CREG2: variants seen among roughly 807,000 people sequenced by gnomAD.
CREG2 encodes the protein protein CREG2.
A neutral mutation model predicts 26.2 loss-of-function variants in CREG2; 24 were observed. The observed-to-expected ratio is 0.92, with a 90% CI of 0.66 to 1.29. CREG2 has a LOEUF of 1.29. CREG2 is among the 50% of genes most tolerant of loss of function. CREG2 has a pLI of 0.00. For synonymous variants in CREG2, 174 were observed against 169.2 expected (o/e 1.03, Z -0.22); for missense variants, 366 against 398.6 (o/e 0.92, Z 0.70).
intron 3 of CREG2, among the ~76,000 whole-genome samples, chr2:101,354,891 A>G (rs1327926359): frequency 2.0e-5 from 3 of 152,134 alleles, no homozygotes; most frequent in Non-Finnish European, 4.4e-5. Flanking sequence ...CACCACACTG[A>G]GAAACGCTGC....
Position 101,347,549 on chromosome 2 carries a change from T to C in CREG2, c.*3374A>G, listed in dbSNP as rs891852592. 2.6e-5 allele frequency: 4 copies of C among 152,184 alleles called. No homozygotes were observed. Among genetic ancestry groups the C allele is most frequent in the African/African-American group, 9.7e-5 (4 of 41,436 alleles). 9.4% of individuals were successfully genotyped at this position (152,184 alleles called of 1,614,324 possible). On this transcript the variant is annotated 3_prime_UTR_variant, in exon 4 of 4. Coordinates refer to ENST00000324768, the MANE Select transcript of CREG2 (RefSeq NM_153836.4). Reference sequence around the variant, plus strand: ...AGTGATATCTCATTGTAGTATTAGTTTGCAGTTCCCCTAGTGACTAGTGCT... The same window carrying C: ...AGTGATATCTCATTGTAGTATTAGTCTGCAGTTCCCCTAGTGACTAGTGCT...
chr2:101,383,265 T>C lies in CREG2; in HGVS notation c.611+268A>G, dbSNP rs1298543146. 2.0e-5 allele frequency among the ~76,000 whole-genome samples: 3 copies of C among 152,166 alleles called. No homozygotes were observed. In the East Asian group the frequency reaches 5.8e-4, roughly 29 times the overall value. On this transcript the variant is annotated intron_variant, in intron 2 of 3. Coordinates refer to ENST00000324768, the MANE Select transcript of CREG2 (RefSeq NM_153836.4). ...GTTGCACAAAGCATTTTACACCTAT[T>C]TCCAGCACTTGCAATAACCCTCGGA...
chr2:101,345,624 A>G lies in CREG2; in HGVS notation c.*5299T>C, dbSNP rs1457441136. On this transcript the variant is annotated 3_prime_UTR_variant, in exon 4 of 4. Coordinates refer to ENST00000324768, the MANE Select transcript of CREG2 (RefSeq NM_153836.4). Reference sequence around the variant, plus strand: ...AAATAGTCTTTGGTTAAATAGATCTAGTTTTGAAAACAGATTTTACATTTT... The same window carrying G: ...AAATAGTCTTTGGTTAAATAGATCTGGTTTTGAAAACAGATTTTACATTTT... The G allele has an allele frequency of 1.3e-5, 2 of 152,246 alleles. No individual in the cohort carries two copies. Among genetic ancestry groups the G allele is most frequent in the African/African-American group, 4.8e-5 (2 of 41,466 alleles). 9.4% of individuals were successfully genotyped at this position (152,246 alleles called of 1,614,324 possible).
rs567154155 is a variant in CREG2, at chr2:101,348,788, T to C, written c.*2135A>G. 6.6e-6 allele frequency: 1 copy of C among 152,336 alleles called. No individual in the cohort carries two copies. The highest frequency in any genetic ancestry group is 6.5e-5 in the Admixed American group (1 of 15,300). The allele number at this position is 152,336 out of a possible 1,614,324, so 9.4% of individuals were successfully genotyped here. On this transcript the variant is annotated 3_prime_UTR_variant, in exon 4 of 4. Coordinates refer to ENST00000324768, the MANE Select transcript of CREG2 (RefSeq NM_153836.4). ...TCTGTATGCATTTAATCTCTTTTTC[T>C]TGCCTTATTGCCATGTCTAGAACTT...
chr2:101,378,930 TG>T (rs1272234612), intron 2 of CREG2, among the ~76,000 whole-genome samples: 1 of 151,310 alleles, frequency 6.6e-6, no homozygotes, highest in Non-Finnish European at 1.5e-5. Context: ...CGCTTGAACC[TG>T]GGCAGCAGAG....
At chr2:101,386,018 A>G (rs1435718004) in intron 1 of CREG2, among the ~76,000 whole-genome samples, 1 of 152,244 alleles carries the variant, frequency 6.6e-6, no homozygotes, top group Non-Finnish European at 1.5e-5. Context: ...GCTGTGAAAA[A>G]TCATCTAGGT....
rs149067073 is a variant in CREG2, at chr2:101,355,332, C to A, written c.646G>T (p.Val216Phe). 241 of 1,613,888 alleles carry A rather than the reference C, an allele frequency of 1.5e-4. No individual in the cohort carries two copies. The highest frequency in any genetic ancestry group is 1.4e-3 in the African/African-American group (108 of 75,046). Residue 216 changes from valine to phenylalanine, a missense_variant, in exon 3 of 4, where the codon GTC becomes TTC. Val to Phe is a conservative substitution (Grantham distance 50, BLOSUM62 -1). Around this residue, in one of 3 missense-constraint regions of CREG2, gnomAD observed 174 missense variants for 178.2 expected, o/e 0.98. Transcript: ENST00000324768. ...NIVDPEDPRC[V>F]QLTLTGQMIA... ...ATCTGGCCAGTGAGCGTTAACTGGA[C>A]ACATCGGGGATCTTCCGGATCAACG... is the stretch of plus-strand genomic sequence containing the variant.
intron 1 of CREG2, among the ~76,000 whole-genome samples, chr2:101,386,693 T>A (rs1022426527): frequency 6.6e-6 from 1 of 152,100 alleles, no homozygotes; most frequent in African/African-American, 2.4e-5. Context: ...CGTCTGTGGC[T>A]GCTCTGGTCT....
At chr2:101,357,227 TG>T (rs1684476011) in intron 2 of CREG2, among the ~76,000 whole-genome samples, 2 of 151,730 alleles carry the variant, frequency 1.3e-5, no homozygotes, top group Admixed American at 1.3e-4. Context: ...TTCACCGTGT[TG>T]GTCAGGCTGG....
chr2:101,356,871 C>T (rs934050992), intron 2 of CREG2, among the ~76,000 whole-genome samples: 1 of 151,876 alleles, frequency 6.6e-6, no homozygotes, highest in South Asian at 2.1e-4. Context: ...CTGGCAGTGA[C>T]GATGTGGGGA....
At chr2:101,367,558 T>C (rs967094523) in intron 2 of CREG2, among the ~76,000 whole-genome samples, 2 of 152,222 alleles carry the variant, frequency 1.3e-5, no homozygotes, top group Non-Finnish European at 2.9e-5. Flanking sequence ...TTTAAACTGT[T>C]ACTTCCATCC....
At chr2:101,376,643 T>G (rs7591123) in intron 2 of CREG2, among the ~76,000 whole-genome samples, 2 of 151,992 alleles carry the variant, frequency 1.3e-5, no homozygotes, top group Non-Finnish European at 2.9e-5. Flanking sequence ...TGAGACCGAG[T>G]TCTGTATTCT....
In CREG2 at chr2:101,387,119, C is replaced by A. The variant is rs1389740372; in HGVS notation, c.339G>T (p.Thr113=). ...GTCTAGGGCCCGGGGGCGCACTGGC[C>A]GTCTGGCCGCCCTCGCGCCGGTAGG... ...MFSYRREGGQ[T]ASAPPGPRLR... is the part of the protein sequence containing the mutation. The change falls in exon 1 of 4, where the codon ACG becomes ACT. Residue 113 remains threonine (T), a synonymous_variant. Transcript: ENST00000324768. The surrounding 1 kb of genome is among the most constrained non-coding windows in gnomAD (Gnocchi z 4.7). 1.1e-5 allele frequency: 14 copies of A among 1,244,380 alleles called. No individual in the cohort carries two copies. The highest frequency in any genetic ancestry group is 1.6e-5 in the African/African-American group (1 of 64,300). The allele number at this position is 1,244,380 out of a possible 1,614,324, so 77.1% of individuals were successfully genotyped here.
chr2:101,366,625 C>A (rs944640186), intron 2 of CREG2, among the ~76,000 whole-genome samples: 9 of 152,104 alleles, frequency 5.9e-5, no homozygotes, highest in Non-Finnish European at 8.8e-5. Flanking sequence ...GAGTTCAAGA[C>A]CAGCCTGGTC....
chr2:101,371,199 T>C (rs1573311360), intron 2 of CREG2, among the ~76,000 whole-genome samples: 2 of 152,152 alleles, frequency 1.3e-5, no homozygotes, highest in East Asian at 3.9e-4. Context: ...CTTTTTTCTT[T>C]TTCTGCATCA....
chr2:101,378,231 C>T (rs918208002), intron 2 of CREG2, among the ~76,000 whole-genome samples: 3 of 152,216 alleles, frequency 2.0e-5, no homozygotes, highest in Non-Finnish European at 4.4e-5. Context: ...GTCTTTCTGT[C>T]AGACTCTAAT....
intron 2 of CREG2, among the ~76,000 whole-genome samples, chr2:101,367,314 T>C (rs895443800): frequency 6.6e-6 from 1 of 152,232 alleles, no homozygotes. Flanking sequence ...GTTCAATGTA[T>C]GATGACCCCT....
At chr2:101,369,131 TG>T (rs1684664105) in intron 2 of CREG2, among the ~76,000 whole-genome samples, 1 of 152,224 alleles carries the variant, frequency 6.6e-6, no homozygotes, top group Non-Finnish European at 1.5e-5. Context: ...GACAGTAGAA[TG>T]ATGAGACGGG....
At chr2:101,382,898 C>T (rs961848634) in intron 2 of CREG2, 2 of 985,468 alleles carry the variant, frequency 2.0e-6, no homozygotes, top group South Asian at 4.7e-5. Flanking sequence ...CATGCAGCTC[C>T]CACACCAGCT....
Sources: allele counts gnomAD v4.1 joint callset (sites outside exome capture counted in the v4.1 genomes callset), GRCh38; gene constraint gnomAD v4.1.1; regional missense constraint gnomAD v4.1.1; non-coding constraint Gnocchi (gnomAD v3.1); transcripts MANE v1.5; gene names NCBI Gene and HGNC (gene_info 2026-07-23, HGNC 2026-07-21).